The following AMBRA1 variants were observed in gnomAD, a reference collection of about 807,000 sequenced individuals.
AMBRA1 encodes activating molecule in BECN1-regulated autophagy protein 1.
AMBRA1 carries 47 observed loss-of-function variants against 125.4 expected under a neutral mutation model. The ratio of observed to expected loss-of-function variants is 0.37; its 90% CI spans 0.30 to 0.48. The LOEUF (loss-of-function observed/expected upper bound fraction) is 0.48. Among genes scored for constraint, AMBRA1 ranks in the 20% least tolerant of loss-of-function variants. The pLI, the probability that AMBRA1 is intolerant of heterozygous loss-of-function variation, is 0.99. For missense variants in AMBRA1, 1,331 were observed against 1,693.4 expected (o/e 0.79, Z 3.76); for synonymous variants, 626 against 655.5 (o/e 0.95, Z 0.69).
intron 11 of AMBRA1, among the ~76,000 whole-genome samples, chr11:46,462,756 C>G (rs1207802537): frequency 1.3e-5 from 2 of 151,922 alleles, no homozygotes; most frequent in Non-Finnish European, 2.9e-5. Context: ...ATTCACCCCC[C>G]TCCTTTTTTT....
In AMBRA1 at chr11:46,428,875, G is replaced by A. The variant is rs879040837; in HGVS notation, c.2976+4599C>T. 239 of 1,611,674 alleles carry A rather than the reference G, an allele frequency of 1.5e-4. 2 individuals carry two copies. Among genetic ancestry groups the A allele is most frequent in the South Asian group, 6.9e-4 (63 of 91,006 alleles). ...TCTCTGGACGGCTACGGCGTAGGAT[G>A]GCAGGCACAATCTCTGGGGGCAGAT... On this transcript the variant is annotated intron_variant, in intron 14 of 17. Transcript: ENST00000683756.
chr11:46,406,139 T>C (rs1446602776), intron 17 of AMBRA1, among the ~76,000 whole-genome samples: 2 of 151,720 alleles, frequency 1.3e-5, no homozygotes, highest in Admixed American at 1.3e-4. Flanking sequence ...TTGCAACCTC[T>C]GCCTCCCAGG....
Position 46,547,371 on chromosome 11 carries a change from T to A in AMBRA1, c.195-75A>T. 3.0e-6 allele frequency: 4 copies of A among 1,349,990 alleles called. No homozygotes were observed. The African/African-American group carries it at 4.4e-5, about 15-fold the overall frequency. 83.6% of individuals were successfully genotyped at this position (1,349,990 alleles called of 1,614,324 possible). A position where few individuals can be genotyped will look rare whatever the true frequency, so the allele number is the denominator to read the frequency against. On this transcript the variant is annotated intron_variant, in intron 3 of 17. Coordinates refer to ENST00000683756, the MANE Select transcript of AMBRA1 (RefSeq NM_001387011.1). ...CCAATCTTATCAACTTTGGACGACA[T>A]AGAATATTGATGCTACCTGCCAATC...
At chr11:46,554,608 A>T (rs2043109833) in intron 1 of AMBRA1, among the ~76,000 whole-genome samples, 1 of 152,180 alleles carries the variant, frequency 6.6e-6, no homozygotes, top group African/African-American at 2.4e-5. Context: ...TTGCTTTAAA[A>T]GGATAAGGGA....
At chr11:46,457,557 A>T (rs1948902166) in intron 11 of AMBRA1, among the ~76,000 whole-genome samples, 1 of 152,154 alleles carries the variant, frequency 6.6e-6, no homozygotes, top group Admixed American at 6.6e-5. Flanking sequence ...TTTTTGAGTA[A>T]GGTCAAAATA....
At chr11:46,460,602 C>T (rs928672329) in intron 11 of AMBRA1, among the ~76,000 whole-genome samples, 2 of 152,096 alleles carry the variant, frequency 1.3e-5, no homozygotes, top group Admixed American at 1.3e-4. Flanking sequence ...GCATTACAGG[C>T]GTGAGCCACC....
chr11:46,570,729 C>T (rs2043728133), intron 1 of AMBRA1, among the ~76,000 whole-genome samples: 1 of 152,012 alleles, frequency 6.6e-6, no homozygotes. Flanking sequence ...TTCCCTTTAT[C>T]AGGTTTTTCT....
chr11:46,528,593 A>C (rs892360306), intron 7 of AMBRA1, among the ~76,000 whole-genome samples: 6 of 152,224 alleles, frequency 3.9e-5, no homozygotes, highest in Non-Finnish European at 7.3e-5. Flanking sequence ...AAACTCACAG[A>C]AACAGAAAGT....
At chr11:46,565,207 G>A (rs1002387820) in intron 1 of AMBRA1, among the ~76,000 whole-genome samples, 6 of 151,652 alleles carry the variant, frequency 4.0e-5, no homozygotes, top group African/African-American at 9.7e-5. Context: ...GCAATGAGCC[G>A]AGATTATGCC....
intron 17 of AMBRA1, among the ~76,000 whole-genome samples, chr11:46,405,332 G>T (rs1164606884): frequency 6.6e-6 from 1 of 152,108 alleles, no homozygotes; most frequent in Admixed American, 6.5e-5. Context: ...TCTAGACTGC[G>T]AGCTCCTCAT....
intron 12 of AMBRA1, among the ~76,000 whole-genome samples, chr11:46,439,120 A>T (rs1947874516): frequency 6.6e-6 from 1 of 151,938 alleles, no homozygotes; most frequent in South Asian, 2.1e-4. Flanking sequence ...AAAAAAATTT[A>T]AAAATCAGCC....
chr11:46,592,478 T>A (rs957610674), intron 1 of AMBRA1, among the ~76,000 whole-genome samples: 6 of 152,070 alleles, frequency 3.9e-5, no homozygotes, highest in Admixed American at 3.9e-4. Flanking sequence ...ACAACAAAAC[T>A]GGGCGGGCGC....
chr11:46,481,198 T>C (rs746080945), intron 11 of AMBRA1, among the ~76,000 whole-genome samples: 3 of 152,124 alleles, frequency 2.0e-5, no homozygotes, highest in African/African-American at 7.2e-5. Context: ...CAGCTCTGTT[T>C]TGGAATGTAA....
intron 1 of AMBRA1, among the ~76,000 whole-genome samples, chr11:46,577,590 G>A (rs1405420514): frequency 2.6e-5 from 4 of 151,902 alleles, no homozygotes; most frequent in Non-Finnish European, 5.9e-5. Context: ...TTCATTTTAA[G>A]ATGGCTAAAT....
intron 1 of AMBRA1, among the ~76,000 whole-genome samples, chr11:46,591,903 T>G (rs896564488): frequency 1.3e-5 from 2 of 151,438 alleles, no homozygotes; most frequent in African/African-American, 4.9e-5. Context: ...TTCTACATAC[T>G]TTGGAAACTT....
intron 11 of AMBRA1, among the ~76,000 whole-genome samples, chr11:46,473,377 G>A (rs1256849767): frequency 1.3e-5 from 2 of 152,202 alleles, no homozygotes; most frequent in Non-Finnish European, 2.9e-5. Flanking sequence ...GGAACTTTAG[G>A]TGTGTTTAAG....
intron 13 of AMBRA1, 72 bp from the exon 14 acceptor site, chr11:46,433,700 C>T (rs1350223650): frequency 2.0e-6 from 3 of 1,487,730 alleles, no homozygotes; most frequent in Middle Eastern, 1.7e-4. Context: ...TTCACTCTTA[C>T]TCTTGTCTTT....
intron 11 of AMBRA1, among the ~76,000 whole-genome samples, chr11:46,487,084 C>G (rs1306771371): frequency 1.3e-5 from 2 of 151,404 alleles, no homozygotes; most frequent in African/African-American, 2.4e-5. Flanking sequence ...ATGGCAAAAC[C>G]CCATCTCTAC....
intron 11 of AMBRA1, among the ~76,000 whole-genome samples, chr11:46,458,789 T>C (rs537948310): frequency 1.2e-4 from 18 of 152,212 alleles, no homozygotes; most frequent in Admixed American, 1.1e-3. Flanking sequence ...TGTCCAGCCA[T>C]GGGATTAGAA....
Sources: allele counts gnomAD v4.1 joint callset (sites outside exome capture counted in the v4.1 genomes callset), GRCh38; gene constraint gnomAD v4.1.1; transcripts MANE v1.5; gene names NCBI Gene and HGNC (gene_info 2026-07-23, HGNC 2026-07-21).